Variants in TNS1 observed in about 807,000 individuals in gnomAD.
TNS1 encodes the protein tensin-1.
In TNS1, 62 loss-of-function variants were observed where a neutral mutation model predicts 168.6. The ratio of observed to expected loss-of-function variants is 0.37; its 90% CI spans 0.30 to 0.45. The LOEUF is 0.45. TNS1 is among the 20% of genes least tolerant of loss of function. The pLI is 1.00. For synonymous variants in TNS1, 934 were observed against 933.2 expected (o/e 1.00, Z -0.02); for missense variants, 2,240 against 2,339.4 (o/e 0.96, Z 0.88).
At chr2:217,915,430 C>T (rs1322139977) in intron 4 of TNS1, among the ~76,000 whole-genome samples, 1 of 152,182 alleles carries the variant, frequency 6.6e-6, no homozygotes, top group Non-Finnish European at 1.5e-5. Context: ...ACTCCATGCC[C>T]GTCTGTCTTC....
At chr2:217,831,075 A>AG (rs1383148752) in intron 22 of TNS1, among the ~76,000 whole-genome samples, 2 of 151,590 alleles carry the variant, frequency 1.3e-5, no homozygotes, top group Admixed American at 1.3e-4. Context: ...CTCTGACTCT[A>AG]TGTGTGTGTG....
chr2:217,922,386 A>G (rs1190792934), intron 3 of TNS1, among the ~76,000 whole-genome samples: 1 of 152,034 alleles, frequency 6.6e-6, no homozygotes, highest in African/African-American at 2.4e-5. Flanking sequence ...GTCCTGGGGG[A>G]GGGAGTACAA....
chr2:217,889,269 T>C (rs1359492764), intron 12 of TNS1, among the ~76,000 whole-genome samples: 1 of 152,238 alleles, frequency 6.6e-6, no homozygotes, highest in East Asian at 1.9e-4. Context: ...GAGGACTCAC[T>C]CACTTCTTGG....
intron 7 of TNS1, among the ~76,000 whole-genome samples, chr2:217,899,278 G>T (rs77054147): frequency 6.6e-6 from 1 of 152,138 alleles, no homozygotes; most frequent in Non-Finnish European, 1.5e-5. Flanking sequence ...TAAGGAGCCC[G>T]GTTTGAGTTT....
At chr2:217,966,010 C>CCT (rs149861821) in intron 3 of TNS1, among the ~76,000 whole-genome samples, 5 of 151,480 alleles carry the variant, frequency 3.3e-5, no homozygotes, top group Non-Finnish European at 4.4e-5. Context: ...ACTTTCCTCT[C>CCT]CTCTCTCTCT....
chr2:217,808,828 C>T (rs189885190), intron 30 of TNS1, among the ~76,000 whole-genome samples, 157 bp from the exon 31 acceptor site: 2 of 152,310 alleles, frequency 1.3e-5, no homozygotes, highest in East Asian at 3.9e-4. Flanking sequence ...GCTGTTGACA[C>T]TGGTGACCCA....
intron 3 of TNS1, among the ~76,000 whole-genome samples, chr2:217,949,119 G>T (rs1957183500): frequency 6.6e-6 from 1 of 152,178 alleles, no homozygotes; most frequent in South Asian, 2.1e-4. Context: ...AGGAGTCAAG[G>T]CCTCAGGTTC....
At chr2:217,850,057 A>T (rs1392902906) in intron 18 of TNS1, 3 of 985,212 alleles carry the variant, frequency 3.0e-6, no homozygotes, top group Non-Finnish European at 3.6e-6. Flanking sequence ...CCCACTCCTG[A>T]TGGACCCCTA....
chr2:218,002,586 G>A (rs112572374), intron 1 of TNS1, among the ~76,000 whole-genome samples: 1 of 151,450 alleles, frequency 6.6e-6, no homozygotes, highest in Non-Finnish European at 1.5e-5. Flanking sequence ...GACTCCATTG[G>A]GGGGTGGGGG....
intron 9 of TNS1, 72 bp downstream of exon 9, chr2:217,894,934 T>A (rs1023041272): frequency 3.5e-6 from 5 of 1,415,992 alleles, no homozygotes; most frequent in East Asian, 4.6e-5. Context: ...AAGATTATTA[T>A]GTGGGAACTC....
At chr2:218,031,512 G>C (rs780100523) in intron 1 of TNS1, among the ~76,000 whole-genome samples, 13 of 142,502 alleles carry the variant, frequency 9.1e-5, no homozygotes, top group Non-Finnish European at 2.0e-4. Context: ...GTGTGTATGA[G>C]TGTGTCTTGT....
intron 1 of TNS1, among the ~76,000 whole-genome samples, chr2:218,015,880 G>C (rs1404585108): frequency 1.3e-5 from 2 of 152,346 alleles, no homozygotes; most frequent in Admixed American, 1.3e-4. Flanking sequence ...GCCCTGGTGT[G>C]TTCCTTGCAG....
intron 18 of TNS1, among the ~76,000 whole-genome samples, chr2:217,869,320 C>T (rs1454694580): frequency 6.6e-6 from 1 of 152,232 alleles, no homozygotes; most frequent in Non-Finnish European, 1.5e-5. Context: ...AGAAGCTCAA[C>T]TTTGCCAAAG....
chr2:217,813,097 G>T lies in TNS1; in HGVS notation c.4954+118C>A. The T allele has an allele frequency of 1.4e-6, 1 of 708,224 alleles. No individual in the cohort carries two copies. Among genetic ancestry groups the T allele is most frequent in the South Asian group, 1.7e-5 (1 of 60,000 alleles). The allele number at this position is 708,224 out of a possible 1,614,324, so 43.9% of individuals were successfully genotyped here. ...CATTCATTTTCTCTGCTGAATTTAT[G>T]ACAAGGGTGACTGGCAGAGCCTGTC... On this transcript the variant is annotated intron_variant, in intron 27 of 32. Coordinates refer to ENST00000682258, the MANE Select transcript of TNS1 (RefSeq NM_001387777.1). This position sits in a 1 kb window ranked among gnomAD's most constrained non-coding sequence, Gnocchi z 4.0.
intron 18 of TNS1, among the ~76,000 whole-genome samples, chr2:217,870,133 GC>G (rs1949647241): frequency 6.6e-6 from 1 of 152,332 alleles, no homozygotes; most frequent in Non-Finnish European, 1.5e-5. Flanking sequence ...CCTCCCAGGG[GC>G]CCTTCAAATG....
chr2:218,006,285 G>T (rs1010150724), upstream of TNS1, among the ~76,000 whole-genome samples: 9 of 152,194 alleles, frequency 5.9e-5, no homozygotes, highest in Non-Finnish European at 1.3e-4. Context: ...AGCCTGGCAG[G>T]CCCCTCCCTG....
chr2:217,956,401 G>A (rs1174501203), intron 3 of TNS1, among the ~76,000 whole-genome samples: 1 of 152,074 alleles, frequency 6.6e-6, no homozygotes, highest in Non-Finnish European at 1.5e-5. Flanking sequence ...AGTCCTGAGG[G>A]GCGCAGCAGA....
intron 1 of TNS1, among the ~76,000 whole-genome samples, chr2:217,997,691 T>C (rs1381518145): frequency 1.3e-5 from 2 of 152,168 alleles, no homozygotes; most frequent in Non-Finnish European, 2.9e-5. Flanking sequence ...CTCACTCTAC[T>C]AATCTGTTCA....
At chr2:217,902,280 C>A (rs1575017233) in intron 6 of TNS1, among the ~76,000 whole-genome samples, 1 of 152,190 alleles carries the variant, frequency 6.6e-6, no homozygotes, top group Non-Finnish European at 1.5e-5. Context: ...GGCCCCAGGG[C>A]CACCCTGCTA....
Sources: allele counts gnomAD v4.1 joint callset (sites outside exome capture counted in the v4.1 genomes callset), GRCh38; gene constraint gnomAD v4.1.1; non-coding constraint Gnocchi (gnomAD v3.1); transcripts MANE v1.5; gene names NCBI Gene and HGNC (gene_info 2026-07-23, HGNC 2026-07-21).